COL23A1: variants seen among roughly 807,000 people sequenced by gnomAD.
The protein encoded by COL23A1 is collagen alpha-1(XXIII) chain.
Under a neutral mutation model 99.3 loss-of-function variants are expected in COL23A1, and 97 were observed. The ratio of observed to expected loss-of-function variants is 0.98; its 90% CI spans 0.83 to 1.16. The LOEUF (loss-of-function observed/expected upper bound fraction) is 1.16. Ranked by LOEUF, COL23A1 falls within the 50% of genes most tolerant of loss-of-function variation. COL23A1 has a pLI of 0.00. For missense variants in COL23A1, 762 were observed against 757.4 expected (o/e 1.01, Z -0.07); for synonymous variants, 320 against 308.2 (o/e 1.04, Z -0.40).
intron 2 of COL23A1, among the ~76,000 whole-genome samples, chr5:178,389,690 G>A (rs747494348): frequency 2.0e-5 from 3 of 152,190 alleles, no homozygotes; most frequent in Admixed American, 6.5e-5. Context: ...CCTTCTGTCT[G>A]TGGCCTCCTC....
At chr5:178,410,238 C>G (rs1346849686) in intron 2 of COL23A1, among the ~76,000 whole-genome samples, 1 of 152,202 alleles carries the variant, frequency 6.6e-6, no homozygotes, top group Non-Finnish European at 1.5e-5. Flanking sequence ...AAATATCCAA[C>G]CTCACATTTT....
chr5:178,563,929 C>T (rs1762728316), intron 1 of COL23A1, among the ~76,000 whole-genome samples: 1 of 152,176 alleles, frequency 6.6e-6, no homozygotes, highest in Non-Finnish European at 1.5e-5. Context: ...AGCCAGTCAA[C>T]CTGTGTAAGA....
intron 2 of COL23A1, among the ~76,000 whole-genome samples, chr5:178,507,376 A>T (rs1758934328): frequency 6.6e-6 from 1 of 152,152 alleles, no homozygotes; most frequent in Admixed American, 6.5e-5. Flanking sequence ...AGTCCTGTTC[A>T]CGTGTAAGTT....
intron 2 of COL23A1, among the ~76,000 whole-genome samples, chr5:178,486,831 C>T (rs1015719149): frequency 6.6e-6 from 1 of 152,190 alleles, no homozygotes; most frequent in African/African-American, 2.4e-5. Context: ...TACTGTGTCT[C>T]GCCTTGGACT....
chr5:178,553,160 A>T (rs1762096848), intron 2 of COL23A1, among the ~76,000 whole-genome samples: 1 of 112,040 alleles, frequency 8.9e-6, no homozygotes, highest in Non-Finnish European at 1.8e-5. Flanking sequence ...ACAGAGTGAG[A>T]TCCTATCTTA....
At chr5:178,288,518 G>A (rs1231338208) in intron 4 of COL23A1, 168 bp from the exon 5 acceptor site, 4 of 686,784 alleles carry the variant, frequency 5.8e-6, no homozygotes, top group Middle Eastern at 2.8e-4. Flanking sequence ...GGGCAGAGCA[G>A]CCCTTTCCTG....
intron 2 of COL23A1, among the ~76,000 whole-genome samples, chr5:178,397,428 G>A (rs921810586): frequency 5.3e-5 from 8 of 152,280 alleles, no homozygotes; most frequent in East Asian, 1.9e-4. Flanking sequence ...AAAGTACAGC[G>A]AGGATTCAGT....
In COL23A1 at chr5:178,415,158, T is replaced by A. The variant is rs1478680916; in HGVS notation, c.362-108239A>T. On this transcript the variant is annotated intron_variant, in intron 2 of 28. Transcript: ENST00000390654. The surrounding 1 kb of genome is among the most constrained non-coding windows in gnomAD (Gnocchi z 4.6). ...AGCTGGGCTGCTTGGATTCAGCCTCTGACTCTCCCAGGAAGGAGCTCCAGT... is the reference window on the plus strand; with the variant it reads ...AGCTGGGCTGCTTGGATTCAGCCTCAGACTCTCCCAGGAAGGAGCTCCAGT... Among the ~76,000 whole-genome samples the A allele has an allele frequency of 6.6e-6, 1 of 152,184 alleles. No individual in the cohort carries two copies. The highest frequency in any genetic ancestry group is 1.5e-5 in the Non-Finnish European group (1 of 68,032).
chr5:178,270,384 A>G lies in COL23A1; in HGVS notation c.442-21T>C, dbSNP rs771454890. 3.1e-6 allele frequency: 5 copies of G among 1,613,414 alleles called. No individual in the cohort carries two copies. The East Asian group carries it at 1.1e-4, about 36-fold the overall frequency. ...GGTCCCTGGAAAACGAGAGAGAGAG[A>G]ACACAGGTTACACACGGGGATGACA... On this transcript the variant is annotated intron_variant, in intron 5 of 28. Coordinates refer to ENST00000390654, the MANE Select transcript of COL23A1 (RefSeq NM_173465.4).
intron 1 of COL23A1, among the ~76,000 whole-genome samples, chr5:178,567,466 G>T (rs908161613): frequency 2.6e-5 from 4 of 152,178 alleles, no homozygotes; most frequent in Non-Finnish European, 5.9e-5. Flanking sequence ...TGAAAGGCTG[G>T]GTGTGGTGGT....
At chr5:178,267,405 G>GA in intron 7 of COL23A1, 72 bp from the exon 8 acceptor site, 2 of 1,463,504 alleles carry the variant, frequency 1.4e-6, no homozygotes, top group Non-Finnish European at 9.4e-7. Flanking sequence ...TCGGGCATCT[G>GA]TGCCCAGTGC....
chr5:178,533,262 C>T (rs1760749511), intron 2 of COL23A1, among the ~76,000 whole-genome samples: 1 of 152,202 alleles, frequency 6.6e-6, no homozygotes. Flanking sequence ...GCATTAAGTA[C>T]ATTCACAATG....
chr5:178,399,822 C>T (rs1764339206), intron 2 of COL23A1, among the ~76,000 whole-genome samples: 2 of 152,176 alleles, frequency 1.3e-5, no homozygotes, highest in African/African-American at 4.8e-5. Context: ...GACTTGGTCT[C>T]CAGGGAAAAA....
At chr5:178,347,913 CAA>C (rs372722305) in intron 2 of COL23A1, among the ~76,000 whole-genome samples, 2 of 137,758 alleles carry the variant, frequency 1.5e-5, no homozygotes, top group African/African-American at 5.4e-5. Flanking sequence ...AAAAACAAAA[CAA>C]AAAAAAAACA....
At chr5:178,267,689 A>C (rs1244651582) in intron 7 of COL23A1, among the ~76,000 whole-genome samples, 3 of 152,154 alleles carry the variant, frequency 2.0e-5, no homozygotes, top group African/African-American at 7.2e-5. Flanking sequence ...TTACACGGCC[A>C]AGTTTTGGGG....
chr5:178,247,065 A>G (rs1764738621), intron 22 of COL23A1, among the ~76,000 whole-genome samples: 3 of 151,998 alleles, frequency 2.0e-5, no homozygotes, highest in Non-Finnish European at 4.4e-5. Flanking sequence ...GGCAGGCCAC[A>G]CTCGAGGACT....
rs374754468 is a variant in COL23A1, at chr5:178,249,067, C to G, written c.1149+50G>C. The G allele has an allele frequency of 1.5e-4, 241 of 1,585,478 alleles. 1 individual carries two copies. In the African/African-American group the frequency reaches 2.6e-3, roughly 17 times the overall value. On this transcript the variant is annotated intron_variant, in intron 19 of 28. Coordinates refer to ENST00000390654, the MANE Select transcript of COL23A1 (RefSeq NM_173465.4). ...CAGCACGGGGGGCACACAGTCACCT[C>G]AGGGCTTCCACACAGGAGGCGTAAT...
At chr5:178,508,942 G>C (rs73342639) in intron 2 of COL23A1, among the ~76,000 whole-genome samples, 2,616 of 152,278 alleles carry the variant, frequency 0.017, 85 homozygotes, top group African/African-American at 0.06. Context: ...AGGAGGAACA[G>C]AGAAAATATT....
chr5:178,358,296 G>A (rs1315358173), intron 2 of COL23A1, among the ~76,000 whole-genome samples: 2 of 133,054 alleles, frequency 1.5e-5, no homozygotes, highest in Non-Finnish European at 3.2e-5. Flanking sequence ...GTGCGTATAT[G>A]TATGTATGTA....
Sources: gnomAD v4.1 joint callset for allele counts (sites outside exome capture counted in the v4.1 genomes callset) on GRCh38, gnomAD v4.1.1 for gene constraint, Gnocchi (gnomAD v3.1) non-coding constraint, MANE v1.5 for transcripts, NCBI Gene and HGNC (gene_info 2026-07-23, HGNC 2026-07-21) for gene names.